Variants in MAGI2 observed in about 807,000 individuals in gnomAD.
MAGI2 encodes the protein membrane-associated guanylate kinase, WW and PDZ domain-containing protein 2.
In MAGI2, 35 loss-of-function variants were observed where a neutral mutation model predicts 133.3. The ratio of observed to expected loss-of-function variants is 0.26; its 90% CI spans 0.20 to 0.35. The LOEUF is 0.35. Ranked by LOEUF, MAGI2 falls within the 10% of genes least tolerant of loss-of-function variation. MAGI2 has a pLI of 1.00. For missense variants in MAGI2, 1,636 were observed against 1,863.4 expected (o/e 0.88, Z 2.25); for synonymous variants, 729 against 710.6 (o/e 1.03, Z -0.41).
At position 79,214,395 on chromosome 7, in the gene MAGI2, CTCTCTCTCTCTCTATATATATATATA is replaced by C. The variant is rs1207949436; in HGVS notation, c.302-207215_302-207190del. On this transcript the variant is annotated intron_variant, in intron 1 of 21. Coordinates refer to ENST00000354212, the MANE Select transcript of MAGI2 (RefSeq NM_012301.4). ...TCTCTCTCTCTCTCTCTCTCTCTCTCTCTCTCTCTCTCTATATATATATATATATATATATATATATATATATAAAT... is the reference window on the plus strand; with the variant it reads ...TCTCTCTCTCTCTCTCTCTCTCTCTCTATATATATATATATATATATAAAT... Among the ~76,000 whole-genome samples, 6 of 89,070 alleles carry C rather than the reference CTCTCTCTCTCTCTATATATATATATA, an allele frequency of 6.7e-5. No homozygotes were observed. In the East Asian group the frequency reaches 1.7e-3, roughly 25 times the overall value. 58.4% of individuals were successfully genotyped at this position (89,070 alleles called of 152,430 possible). A position where few individuals can be genotyped will look rare whatever the true frequency, so the allele number is the denominator to read the frequency against.
At chr7:78,846,649 C>T (rs1350374753) in intron 2 of MAGI2, among the ~76,000 whole-genome samples, 1 of 151,888 alleles carries the variant, frequency 6.6e-6, no homozygotes, top group Non-Finnish European at 1.5e-5. Context: ...CTTATTTATC[C>T]TAGCACTACT....
chr7:79,348,474 A>T (rs778743767), intron 1 of MAGI2, among the ~76,000 whole-genome samples: 4 of 151,930 alleles, frequency 2.6e-5, no homozygotes, highest in Non-Finnish European at 5.9e-5. Context: ...ACATGGTAGG[A>T]CAAAGAATAT....
At chr7:78,251,408 T>A (rs1183149353) in intron 10 of MAGI2, 2 of 152,154 alleles carry the variant, frequency 1.3e-5, no homozygotes, top group African/African-American at 4.8e-5. Context: ...GTCAAAGGCA[T>A]ACAAATTGGA....
At chr7:78,934,821 A>G (rs1283010141) in intron 2 of MAGI2, among the ~76,000 whole-genome samples, 1 of 152,152 alleles carries the variant, frequency 6.6e-6, no homozygotes, top group Non-Finnish European at 1.5e-5. Context: ...ACCTAACATG[A>G]TCTGTTTCAG....
intron 1 of MAGI2, among the ~76,000 whole-genome samples, chr7:79,395,446 C>T (rs371979600): frequency 7.2e-5 from 11 of 152,236 alleles, no homozygotes; most frequent in Admixed American, 1.3e-4. Context: ...GTATCATCAT[C>T]CCGTAACGTG....
At chr7:78,877,980 C>G (rs1209445920) in intron 2 of MAGI2, among the ~76,000 whole-genome samples, 1 of 152,056 alleles carries the variant, frequency 6.6e-6, no homozygotes, top group Non-Finnish European at 1.5e-5. Context: ...GTCTTATATC[C>G]TCAAAATGAG....
intron 21 of MAGI2, chr7:78,065,645 G>T: frequency 1.4e-6 from 1 of 696,466 alleles, no homozygotes; most frequent in Non-Finnish European, 2.6e-6. Context: ...CACATGGAGA[G>T]ACTGGAAGGT....
intron 2 of MAGI2, among the ~76,000 whole-genome samples, chr7:78,914,790 TA>T (rs1171423617): frequency 2.6e-5 from 4 of 152,040 alleles, no homozygotes; most frequent in South Asian, 2.1e-4. Context: ...TGGCAAAAAA[TA>T]TTTTTTTAAC....
chr7:79,449,877 C>CATACATATATATATATATATATAT (rs1554488321), intron 1 of MAGI2, among the ~76,000 whole-genome samples: 1 of 120,626 alleles, frequency 8.3e-6, no homozygotes. Context: ...GAGATATATA[C>CATACATATATATATATATATATAT]ATATATATAT....
chr7:78,492,158 T>A (rs555873685), intron 5 of MAGI2, among the ~76,000 whole-genome samples: 3 of 152,176 alleles, frequency 2.0e-5, no homozygotes, highest in African/African-American at 7.2e-5. Flanking sequence ...CACACCACCA[T>A]GGGTCTCAAA....
At chr7:79,258,154 A>G (rs1833829478) in intron 1 of MAGI2, among the ~76,000 whole-genome samples, 1 of 152,210 alleles carries the variant, frequency 6.6e-6, no homozygotes, top group South Asian at 2.1e-4. Flanking sequence ...AAAAGAAGAG[A>G]CACAAATTAA....
intron 21 of MAGI2, among the ~76,000 whole-genome samples, chr7:78,057,558 C>G (rs1812720065): frequency 6.6e-6 from 1 of 152,098 alleles, no homozygotes; most frequent in Non-Finnish European, 1.5e-5. Context: ...GAGGTGATAT[C>G]TCACTGGGAT....
chr7:78,187,162 A>G (rs1232848983), intron 12 of MAGI2, among the ~76,000 whole-genome samples: 1 of 152,190 alleles, frequency 6.6e-6, no homozygotes, highest in Non-Finnish European at 1.5e-5. Flanking sequence ...AAACGTCTCT[A>G]AAACATAAAT....
At position 78,290,658 on chromosome 7, in the gene MAGI2, T is replaced by C. The variant is rs368971002; in HGVS notation, c.1409-34077A>G. On this transcript the variant is annotated intron_variant, in intron 9 of 21. Transcript: ENST00000354212. ...AATATACATTCTTCTCAGCACCACA[T>C]TGCATTGCACTTATTCCAAAATTGA... Among the ~76,000 whole-genome samples the C allele has an allele frequency of 7.5e-4, 114 of 152,246 alleles. No individual in the cohort carries two copies. In the South Asian group the frequency reaches 0.013, roughly 17 times the overall value.
intron 1 of MAGI2, among the ~76,000 whole-genome samples, chr7:79,217,624 G>A (rs550327544): frequency 6.6e-6 from 1 of 152,064 alleles, no homozygotes; most frequent in Admixed American, 6.5e-5. Context: ...AGTAGTTCTG[G>A]ACTCTAAACT....
chr7:78,477,755 A>G (rs1274325010), intron 6 of MAGI2, among the ~76,000 whole-genome samples: 2 of 151,886 alleles, frequency 1.3e-5, no homozygotes, highest in Non-Finnish European at 2.9e-5. Flanking sequence ...TTGGGTGGGG[A>G]CTCAGCAAAA....
chr7:78,706,683 G>A (rs765291780), intron 2 of MAGI2, among the ~76,000 whole-genome samples: 6 of 152,062 alleles, frequency 3.9e-5, no homozygotes, highest in African/African-American at 1.4e-4. Flanking sequence ...TTAAATTATC[G>A]ACTCCTATAT....
chr7:78,806,338 A>C (rs1788575990), intron 2 of MAGI2, among the ~76,000 whole-genome samples: 2 of 152,146 alleles, frequency 1.3e-5, no homozygotes, highest in South Asian at 4.1e-4. Context: ...AAGTAGAATA[A>C]TATATTTAAA....
intron 21 of MAGI2, among the ~76,000 whole-genome samples, chr7:78,071,767 G>A (rs1814736735): frequency 6.6e-6 from 1 of 152,174 alleles, no homozygotes; most frequent in South Asian, 2.1e-4. Context: ...CGCGGTGGAA[G>A]GTGTTCTTGA....
Sources: gnomAD v4.1 joint callset for allele counts (sites outside exome capture counted in the v4.1 genomes callset) on GRCh38, gnomAD v4.1.1 for gene constraint, MANE v1.5 for transcripts, NCBI Gene and HGNC (gene_info 2026-07-23, HGNC 2026-07-21) for gene names.